MDM4: variants seen among roughly 807,000 people sequenced by gnomAD.
MDM4 encodes the protein MDM4 regulator of p53.
A neutral mutation model predicts 60.2 loss-of-function variants in MDM4; 2 were observed. That is an observed-to-expected ratio of 0.03 (90% confidence interval 0.01 to 0.10). The LOEUF (loss-of-function observed/expected upper bound fraction) is 0.10, where lower values mean the gene tolerates loss of function less well. MDM4 is among the 10% of genes least tolerant of loss of function. The pLI is 1.00. For missense variants in MDM4, 447 were observed against 577.5 expected, an observed-to-expected ratio of 0.77 and a Z score of 2.32; for synonymous variants, 202 against 198.1, an observed-to-expected ratio of 1.02 and a Z score of -0.17.
chr1:204,526,599 G>T (rs1213330983), intron 3 of MDM4, among the ~76,000 whole-genome samples, 165 bp downstream of exon 3: 9 of 151,966 alleles, frequency 5.9e-5, no homozygotes. Flanking sequence ...GAGTAGCTGG[G>T]ATTACAGGTG....
At chr1:204,538,869 C>CTTTTTTTT (rs34355422) in intron 7 of MDM4, among the ~76,000 whole-genome samples, 1 of 117,682 alleles carries the variant, frequency 8.5e-6, no homozygotes, top group Non-Finnish European at 1.7e-5. Flanking sequence ...CCACGCCTGG[C>CTTTTTTTT]TTTTTTTTTT....
In MDM4 at chr1:204,535,535, T is replaced by C. The variant is rs138414634; in HGVS notation, c.344-1895T>C. On this transcript the variant is annotated intron_variant, in intron 5 of 10. Coordinates refer to ENST00000367182, the MANE Select transcript of MDM4 (RefSeq NM_002393.5). ...TGAAATAAATATGACTAACTTTGTGTGTGTTTATTAATTTTTGAGACTGAG... is the reference window on the plus strand; with the variant it reads ...TGAAATAAATATGACTAACTTTGTGCGTGTTTATTAATTTTTGAGACTGAG... Among the ~76,000 whole-genome samples, 448 of 152,018 alleles carry C rather than the reference T, an allele frequency of 2.9e-3. 3 individuals carry two copies. Among genetic ancestry groups the C allele is most frequent in the African/African-American group, 0.01 (426 of 41,452 alleles).
intron 1 of MDM4, among the ~76,000 whole-genome samples, chr1:204,517,883 C>A (rs1015563255): frequency 6.6e-6 from 1 of 151,668 alleles, no homozygotes; most frequent in African/African-American, 2.4e-5. Flanking sequence ...GGATTTCGGC[C>A]AGGCCCAGTG....
At chr1:204,526,521 T>C (rs1306215268) in intron 3 of MDM4, 87 bp downstream of exon 3, 3 of 951,588 alleles carry the variant, frequency 3.2e-6, no homozygotes, top group African/African-American at 3.4e-5. Context: ...TGGAGTGCAG[T>C]GGTGCGATCT....
intron 9 of MDM4, among the ~76,000 whole-genome samples, chr1:204,544,997 A>C (rs527947940): frequency 2.0e-5 from 3 of 152,214 alleles, no homozygotes; most frequent in Non-Finnish European, 2.9e-5. Context: ...TGTGGACCAC[A>C]TGCGGCCCAG....
chr1:204,546,218 T>TTAG (rs1217827929), intron 9 of MDM4, among the ~76,000 whole-genome samples: 11 of 152,310 alleles, frequency 7.2e-5, no homozygotes, highest in African/African-American at 2.6e-4. Flanking sequence ...TTAAATTGTT[T>TTAG]TAGAGACAAG....
intron 3 of MDM4, among the ~76,000 whole-genome samples, chr1:204,530,444 A>G (rs1005301551): frequency 3.3e-5 from 5 of 152,216 alleles, no homozygotes; most frequent in African/African-American, 1.2e-4. Flanking sequence ...TCTCATTGTC[A>G]GATCAGTTCA....
intron 9 of MDM4, among the ~76,000 whole-genome samples, chr1:204,546,284 G>A (rs1662649432): frequency 6.6e-6 from 1 of 152,084 alleles, no homozygotes; most frequent in Admixed American, 6.6e-5. Flanking sequence ...CTTACTGCAA[G>A]CCGGAACTCT....
At chr1:204,529,111 C>CCCAGTCATAACT in intron 3 of MDM4, 1 of 1,279,264 alleles carries the variant, frequency 7.8e-7, no homozygotes, top group Non-Finnish European at 1.1e-6. Flanking sequence ...CCTGAGTTGT[C>CCCAGTCATAACT]CCAGTCATAA....
chr1:204,537,520 T>A, intron 6 of MDM4, 23 bp downstream of exon 6: 1 of 1,574,986 alleles, frequency 6.3e-7, no homozygotes, highest in Non-Finnish European at 8.7e-7. Context: ...CACGGTGACT[T>A]CTTTTGTTGT....
Position 204,544,578 on chromosome 1 carries a change from G to C in MDM4, c.716G>C (p.Trp239Ser), listed in dbSNP as rs1043496589. The C allele has an allele frequency of 6.2e-7, 1 of 1,613,338 alleles. No homozygotes were observed. Among genetic ancestry groups the C allele is most frequent in the Non-Finnish European group, 8.5e-7 (1 of 1,179,568 alleles). Residue 239 changes from tryptophan (W) to serine (S), a missense_variant, in exon 9 of 11, where the codon TGG becomes TCG. By Grantham distance (177) the Trp-to-Ser change is radical. Transcript: ENST00000367182. ...GTTTCAGATACTACAGATGACTTGT[G>C]GTTTTTGAATGAGTCAGTATCAGAG... is the stretch of plus-strand genomic sequence containing the variant. ...AIVSDTTDDLWFLNESVSEQL... is the reference protein window; with the variant it reads ...AIVSDTTDDLSFLNESVSEQL...
chr1:204,534,139 G>A (rs1294318162), intron 5 of MDM4, among the ~76,000 whole-genome samples: 2 of 152,274 alleles, frequency 1.3e-5, no homozygotes, highest in East Asian at 1.9e-4. Flanking sequence ...AAGAGACATT[G>A]CTGTCATACC....
intron 10 of MDM4, among the ~76,000 whole-genome samples, chr1:204,547,759 T>C (rs964790125): frequency 6.6e-6 from 1 of 152,252 alleles, no homozygotes; most frequent in African/African-American, 2.4e-5. Flanking sequence ...GTTTCACTCT[T>C]GTTGCCAAGG....
At chr1:204,527,683 T>C (rs1485885948) in intron 3 of MDM4, among the ~76,000 whole-genome samples, 2 of 81,706 alleles carry the variant, frequency 2.4e-5, no homozygotes, top group African/African-American at 9.9e-5. Flanking sequence ...TTCTGAGCAC[T>C]GTGAGTTATT....
chr1:204,529,477 G>A, intron 3 of MDM4: 1 of 1,528,980 alleles, frequency 6.5e-7, no homozygotes, highest in Non-Finnish European at 8.9e-7. Flanking sequence ...GTTCCAGAGG[G>A]GAACATCCCA....
Position 204,530,771 on chromosome 1 carries a change from T to C in MDM4, c.241T>C (p.Leu81=), listed in dbSNP as rs748372007. ...TATGGTATATTGTGGTGGAGATCTT[T>C]TGGGAGAACTACTGGGACGTCAGAG... The part of the protein sequence containing the change: ...QHMVYCGGDL[L]GELLGRQSFS... The change falls in exon 4 of 11, where the codon TTG becomes CTG. Residue 81 remains leucine, a synonymous_variant. Transcript: ENST00000367182. 4 of 1,613,978 alleles carry C rather than the reference T, an allele frequency of 2.5e-6. No individual in the cohort carries two copies. The Admixed American group carries it at 6.7e-5, about 27-fold the overall frequency.
chr1:204,520,133 C>T (rs1474409347), intron 1 of MDM4, among the ~76,000 whole-genome samples: 1 of 151,736 alleles, frequency 6.6e-6, no homozygotes, highest in Admixed American at 6.6e-5. Flanking sequence ...AAAAATTAGC[C>T]AGGCGAGGTG....
At position 204,551,427 on chromosome 1, in the gene MDM4, C is replaced by T. The variant is rs1050880726; in HGVS notation, c.*1745C>T. 4 of 212,782 alleles carry T rather than the reference C, an allele frequency of 1.9e-5. No individual in the cohort carries two copies. The highest frequency in any genetic ancestry group is 3.6e-5 in the Non-Finnish European group (4 of 110,482). The allele number at this position is 212,782 out of a possible 1,614,324, so 13.2% of individuals were successfully genotyped here. On this transcript the variant is annotated 3_prime_UTR_variant, in exon 11 of 11. Transcript: ENST00000367182. The stretch of plus-strand genomic sequence containing the variant: ...TGGAGCTGCTTACACCAAGGCAATA[C>T]GCCTTGATATACTGGATGGTTGAGA...
intron 5 of MDM4, among the ~76,000 whole-genome samples, chr1:204,534,363 T>G (rs1340383569): frequency 6.6e-6 from 1 of 152,264 alleles, no homozygotes; most frequent in East Asian, 1.9e-4. Context: ...TGATCTACTT[T>G]TTCATTAAAA....
Sources: gnomAD v4.1 joint callset for allele counts (sites outside exome capture counted in the v4.1 genomes callset) on GRCh38, gnomAD v4.1.1 for gene constraint, MANE v1.5 for transcripts, NCBI Gene and HGNC (gene_info 2026-07-23, HGNC 2026-07-21) for gene names.